Variants in FUT8 observed in about 807,000 individuals in gnomAD.
The protein encoded by FUT8 is alpha-(1,6)-fucosyltransferase.
In FUT8, 29 loss-of-function variants were observed where a neutral mutation model predicts 71.3. The ratio of observed to expected loss-of-function variants is 0.41; its 90% confidence interval spans 0.30 to 0.55. The LOEUF is 0.55. FUT8 is among the 20% of genes least tolerant of loss of function. The probability of loss-of-function intolerance (pLI) is 0.34; values close to 1 mark genes in which losing one functional copy is unlikely to be tolerated. For missense variants in FUT8, 544 were observed against 702.1 expected (o/e 0.77, Z 2.55); for synonymous variants, 254 against 239.3 (o/e 1.06, Z -0.57).
At chr14:65,704,058 AACCC>A (rs1894443296) in intron 7 of FUT8, among the ~76,000 whole-genome samples, 4 of 152,192 alleles carry the variant, frequency 2.6e-5, no homozygotes, top group Non-Finnish European at 4.4e-5. Context: ...ATAATGAAGA[AACCC>A]AATAGGTCTC....
At chr14:65,633,004 T>TCCCCCCCCC (rs376298224) in intron 6 of FUT8, among the ~76,000 whole-genome samples, 12 of 78,022 alleles carry the variant, frequency 1.5e-4, no homozygotes, top group African/African-American at 4.8e-4. Flanking sequence ...CCCTCTCCCC[T>TCCCCCCCCC]CCCCCCCCCC....
At chr14:65,369,307 C>G in the FUT8 span, among the ~76,000 whole-genome samples, 1 of 152,144 alleles carries the variant, frequency 6.6e-6, no homozygotes, top group East Asian at 1.9e-4. This position sits in a 1 kb window ranked among gnomAD's most constrained non-coding sequence, Gnocchi z 4.6. Context: ...AGAATAAGGA[C>G]AAGGTACTGA....
intron 3 of FUT8, among the ~76,000 whole-genome samples, chr14:65,604,237 C>T (rs972333950): frequency 6.6e-6 from 1 of 151,712 alleles, no homozygotes; most frequent in Non-Finnish European, 1.5e-5. Context: ...TAAACTCTAC[C>T]CTGGAACAAA....
intron 5 of FUT8, among the ~76,000 whole-genome samples, chr14:65,624,130 T>G (rs1426811213): frequency 6.6e-6 from 1 of 152,218 alleles, no homozygotes; most frequent in Non-Finnish European, 1.5e-5. Flanking sequence ...AATTTAAGGT[T>G]GTATCCTGGA....
At chr14:65,559,090 T>C (rs1885760470) in intron 2 of FUT8, among the ~76,000 whole-genome samples, 1 of 152,218 alleles carries the variant, frequency 6.6e-6, no homozygotes, top group Non-Finnish European at 1.5e-5. Flanking sequence ...CAAGTTATGC[T>C]GGCTTTAAAT....
intron 2 of FUT8, among the ~76,000 whole-genome samples, chr14:65,529,880 G>C (rs962635889): frequency 6.6e-6 from 1 of 152,132 alleles, no homozygotes; most frequent in Admixed American, 6.5e-5. Context: ...GTGACTCTCT[G>C]TTGGATGTCC....
chr14:65,560,871 A>G (rs527800594), intron 2 of FUT8, among the ~76,000 whole-genome samples: 2 of 152,280 alleles, frequency 1.3e-5, no homozygotes, highest in South Asian at 4.1e-4. Context: ...TAAGTGGTAT[A>G]ATGGCAGCTG....
chr14:65,624,443 A>G (rs1889788516), intron 5 of FUT8, among the ~76,000 whole-genome samples: 1 of 152,234 alleles, frequency 6.6e-6, no homozygotes, highest in African/African-American at 2.4e-5. Flanking sequence ...AAAAAAGTAG[A>G]GATCAGCTTT....
intron 5 of FUT8, among the ~76,000 whole-genome samples, chr14:65,618,164 G>A (rs1213636916): frequency 6.6e-6 from 1 of 150,646 alleles, no homozygotes; most frequent in Non-Finnish European, 1.5e-5. Context: ...AGCCTCCTGT[G>A]TAGCTGGGAT....
chr14:65,411,885 C>A, upstream of FUT8: 1 of 371,116 alleles, frequency 2.7e-6, no homozygotes, highest in Non-Finnish European at 5.3e-6. Flanking sequence ...TGTGCTGGGG[C>A]GGCGCGCTCC....
chr14:65,700,408 T>TTTTTTTTTGG (rs1894227700), intron 7 of FUT8, among the ~76,000 whole-genome samples: 1 of 135,580 alleles, frequency 7.4e-6, no homozygotes, highest in African/African-American at 2.7e-5. Context: ...TTTTTTTTTT[T>TTTTTTTTTGG]GAGACGGAGT....
In FUT8 at chr14:65,722,585, T is replaced by G. The variant is rs180923351; in HGVS notation, c.1082+564T>G. ...AGAAGGTACATGTGAAGTCAGAATA[T>G]CAAATCGTATTTCTTCTCATGTAAC... On this transcript the variant is annotated intron_variant, in intron 8 of 10. Coordinates refer to ENST00000673929, the MANE Select transcript of FUT8 (RefSeq NM_001371533.1). 9.5e-4 allele frequency among the ~76,000 whole-genome samples: 145 copies of G among 152,338 alleles called. 1 individual carries two copies. The highest frequency in any genetic ancestry group is 3.4e-3 in the Middle Eastern group (1 of 294).
At chr14:65,410,011 T>C (rs546620094), upstream of FUT8, among the ~76,000 whole-genome samples, 12 of 152,216 alleles carry the variant, frequency 7.9e-5, no homozygotes, top group East Asian at 2.1e-3. Flanking sequence ...GAGAAGAGAA[T>C]GAGAGAGCGC....
chr14:65,423,309 T>A (rs1415451464), intron 1 of FUT8, among the ~76,000 whole-genome samples: 1 of 150,196 alleles, frequency 6.7e-6, no homozygotes, highest in African/African-American at 2.5e-5. Context: ...TCGGCCAGGC[T>A]GGAGTGCAGT....
At chr14:65,492,661 A>G (rs2066499083) in intron 2 of FUT8, among the ~76,000 whole-genome samples, 1 of 152,132 alleles carries the variant, frequency 6.6e-6, no homozygotes, top group South Asian at 2.1e-4. Context: ...TTTTTCTTTT[A>G]TCAAGTACCT....
intron 2 of FUT8, among the ~76,000 whole-genome samples, chr14:65,529,923 G>A (rs867727121): frequency 4.1e-4 from 63 of 152,220 alleles, no homozygotes; most frequent in African/African-American, 1.5e-3. Context: ...TCTTGCCTGT[G>A]AGAACTTAAA....
chr14:65,461,490 C>T (rs981029491), intron 2 of FUT8, among the ~76,000 whole-genome samples: 4 of 152,168 alleles, frequency 2.6e-5, no homozygotes, highest in Admixed American at 2.0e-4. Context: ...TGTTTGCTCT[C>T]AGTGTCCATG....
the FUT8 span, among the ~76,000 whole-genome samples, chr14:65,395,906 T>C: frequency 1.3e-5 from 2 of 152,250 alleles, no homozygotes; most frequent in Non-Finnish European, 2.9e-5. Flanking sequence ...CCAAAGTATC[T>C]CTTGAATGCT....
chr14:65,627,527 G>T lies in FUT8; in HGVS notation c.483-1965G>T, dbSNP rs1268238732. Among the ~76,000 whole-genome samples the T allele has an allele frequency of 6.6e-6, 1 of 152,238 alleles. No homozygotes were observed. Among genetic ancestry groups the T allele is most frequent in the African/African-American group, 2.4e-5 (1 of 41,468 alleles). On this transcript the variant is annotated intron_variant, in intron 5 of 10. Transcript: ENST00000673929. The surrounding 1 kb of genome is among the most constrained non-coding windows in gnomAD (Gnocchi z 4.0). ...CTGTATATATTGCTATGGTTCCGGG[G>T]TTTGCATTTCTTCTTACCTGATTTT...
Sources: gnomAD v4.1 joint callset for allele counts (sites outside exome capture counted in the v4.1 genomes callset) on GRCh38, gnomAD v4.1.1 for gene constraint, Gnocchi (gnomAD v3.1) non-coding constraint, MANE v1.5 for transcripts, NCBI Gene and HGNC (gene_info 2026-07-23, HGNC 2026-07-21) for gene names.